Variants in NAALADL2 observed in about 807,000 individuals in gnomAD.
NAALADL2 encodes the protein inactive N-acetylated-alpha-linked acidic dipeptidase-like protein 2.
A neutral mutation model predicts 87.2 loss-of-function variants in NAALADL2; 76 were observed. That is an observed-to-expected ratio of 0.87 (90% CI 0.72 to 1.05). NAALADL2 has a LOEUF of 1.05. Among genes scored for constraint, NAALADL2 ranks in the 50% least tolerant of loss-of-function variants. The pLI is 0.00. For synonymous variants in NAALADL2, 354 were observed against 331.0 expected, an observed-to-expected ratio of 1.07 and a Z score of -0.75; for missense variants, 1,089 against 945.8, an observed-to-expected ratio of 1.15 and a Z score of -1.99.
intron 12 of NAALADL2, among the ~76,000 whole-genome samples, chr3:175,743,154 C>T (rs1745473591): frequency 2.0e-5 from 3 of 152,174 alleles, no homozygotes; most frequent in South Asian, 2.1e-4. Context: ...GCATGCACCA[C>T]CATGCCCAGC....
intron 11 of NAALADL2, among the ~76,000 whole-genome samples, chr3:175,730,417 T>TATATATATATATATAG (rs1743549695): frequency 1.0e-5 from 1 of 96,610 alleles, no homozygotes; most frequent in Non-Finnish European, 2.2e-5. Context: ...TATATATATA[T>TATATATATATATATAG]ATATATATAT....
At chr3:174,812,463 A>G (rs1377080827) in intron 3 of NAALADL2, among the ~76,000 whole-genome samples, 1 of 152,226 alleles carries the variant, frequency 6.6e-6, no homozygotes, top group African/African-American at 2.4e-5. Context: ...GTAATACTTG[A>G]TAATGATAAT....
At chr3:175,607,431 A>G (rs1384079391) in intron 10 of NAALADL2, among the ~76,000 whole-genome samples, 1 of 152,272 alleles carries the variant, frequency 6.6e-6, no homozygotes, top group African/African-American at 2.4e-5. Flanking sequence ...TTTTCAACTC[A>G]TAATTTGAGA....
At chr3:175,314,692 A>ATATATATATATAGTTCTAAC (rs1758875378) in intron 4 of NAALADL2, among the ~76,000 whole-genome samples, 1 of 68,338 alleles carries the variant, frequency 1.5e-5, no homozygotes, top group Admixed American at 1.5e-4. Context: ...ATATATATAT[A>ATATATATATATAGTTCTAAC]TATATATATA....
chr3:175,065,678 C>T (rs1714404655), intron 1 of NAALADL2, among the ~76,000 whole-genome samples: 1 of 152,144 alleles, frequency 6.6e-6, no homozygotes, highest in African/African-American at 2.4e-5. Context: ...TAAGCTCTTC[C>T]ACTGCAGCTG....
At chr3:174,831,243 T>C (rs71623677) in intron 3 of NAALADL2, among the ~76,000 whole-genome samples, 1 of 150,156 alleles carries the variant, frequency 6.7e-6, no homozygotes, top group Admixed American at 6.6e-5. Flanking sequence ...TGGCTGTGGG[T>C]TTGTCATAGA....
chr3:175,061,678 A>G, intron 1 of NAALADL2, among the ~76,000 whole-genome samples: 1 of 151,414 alleles, frequency 6.6e-6, no homozygotes, highest in East Asian at 1.9e-4. Flanking sequence ...TTCATTTTCC[A>G]AATATAAGGA....
chr3:174,583,746 C>T (rs2108566420), intron 2 of NAALADL2, among the ~76,000 whole-genome samples: 1 of 152,122 alleles, frequency 6.6e-6, no homozygotes, highest in Non-Finnish European at 1.5e-5. Flanking sequence ...GAATTTATAT[C>T]CCTCTTTATT....
chr3:175,452,804 T>C (rs1057343549), intron 6 of NAALADL2, among the ~76,000 whole-genome samples: 8 of 152,238 alleles, frequency 5.3e-5, no homozygotes, highest in African/African-American at 1.9e-4. Flanking sequence ...AGAATTCACT[T>C]TGAAGGACTG....
intron 2 of NAALADL2, among the ~76,000 whole-genome samples, chr3:174,735,590 C>T (rs1733116218): frequency 6.6e-6 from 1 of 152,072 alleles, no homozygotes; most frequent in Non-Finnish European, 1.5e-5. Context: ...GGCAGGATCT[C>T]ACTCTGTCAC....
intron 3 of NAALADL2, among the ~76,000 whole-genome samples, chr3:174,786,965 T>C (rs1578925867): frequency 6.6e-6 from 1 of 152,044 alleles, no homozygotes; most frequent in South Asian, 2.1e-4. Context: ...ACAAAAAAAA[T>C]TATACAAATC....
At chr3:174,889,890 T>A (rs1357088817) in intron 1 of NAALADL2, among the ~76,000 whole-genome samples, 1 of 152,212 alleles carries the variant, frequency 6.6e-6, no homozygotes, top group Admixed American at 6.5e-5. Flanking sequence ...AAGTTTCTTT[T>A]CAGTTTATGG....
At chr3:174,587,986 C>T (rs1162731442) in intron 2 of NAALADL2, among the ~76,000 whole-genome samples, 2 of 152,102 alleles carry the variant, frequency 1.3e-5, no homozygotes, top group African/African-American at 2.4e-5. Context: ...GGTTCAATTC[C>T]CCCTGTCACT....
At chr3:174,990,032 T>C (rs762986847) in intron 1 of NAALADL2, among the ~76,000 whole-genome samples, 6 of 152,076 alleles carry the variant, frequency 3.9e-5, no homozygotes, top group African/African-American at 1.2e-4. Flanking sequence ...AGATTTCCTA[T>C]TGAAAAAAAA....
chr3:174,545,278 C>G lies in NAALADL2; in HGVS notation c.-183-5291C>G, dbSNP rs113411727. Among the ~76,000 whole-genome samples the G allele has an allele frequency of 3.2e-3, 493 of 152,224 alleles. 5 individuals are homozygous for G. Among genetic ancestry groups the G allele is most frequent in the African/African-American group, 0.012 (478 of 41,544 alleles). Reference sequence around the variant, plus strand: ...GCCTGATAATGTTCCTGTTGTATCCCTTTATTCTCTTGCATCAATTTTAAC... The same window carrying G: ...GCCTGATAATGTTCCTGTTGTATCCGTTTATTCTCTTGCATCAATTTTAAC... On this transcript the variant is annotated intron_variant, in intron 1 of 3. Coordinates refer to the NAALADL2 transcript ENST00000434257.
At chr3:175,390,727 C>G (rs905325087) in intron 5 of NAALADL2, among the ~76,000 whole-genome samples, 1 of 152,036 alleles carries the variant, frequency 6.6e-6, no homozygotes, top group Middle Eastern at 3.2e-3. Flanking sequence ...CCTTTATAAA[C>G]ATAAATTTCT....
At chr3:174,816,218 C>A (rs1720783148) in intron 3 of NAALADL2, among the ~76,000 whole-genome samples, 2 of 151,180 alleles carry the variant, frequency 1.3e-5, no homozygotes, top group African/African-American at 4.9e-5. Flanking sequence ...ATCCTTTTTC[C>A]CCCTTCTCCT....
chr3:175,674,553 C>T (rs935306314), intron 11 of NAALADL2, among the ~76,000 whole-genome samples: 1 of 152,056 alleles, frequency 6.6e-6, no homozygotes, highest in Non-Finnish European at 1.5e-5. Flanking sequence ...CCTGAGCCAC[C>T]GTGCCCGGCG....
intron 1 of NAALADL2, among the ~76,000 whole-genome samples, chr3:174,477,545 G>T (rs1225652192): frequency 6.6e-6 from 1 of 152,134 alleles, no homozygotes; most frequent in Non-Finnish European, 1.5e-5. Context: ...GCAGTGATTT[G>T]CATTAAGTTG....
Sources: gnomAD v4.1 joint callset for allele counts (sites outside exome capture counted in the v4.1 genomes callset) on GRCh38, gnomAD v4.1.1 for gene constraint, MANE v1.5 for transcripts, NCBI Gene and HGNC (gene_info 2026-07-23, HGNC 2026-07-21) for gene names.